GRID2: variants seen among roughly 807,000 people sequenced by gnomAD.
The protein encoded by GRID2 is glutamate ionotropic receptor delta type subunit 2, also known as glutamate receptor ionotropic, delta-2.
GRID2 carries 33 observed loss-of-function variants against 114.8 expected under a neutral mutation model. The ratio of observed to expected loss-of-function variants is 0.29; its 90% CI spans 0.22 to 0.38. The LOEUF (loss-of-function observed/expected upper bound fraction) is 0.38. GRID2 is among the 10% of genes least tolerant of loss of function. The probability of loss-of-function intolerance (pLI) is 1.00; values close to 1 mark genes in which losing one functional copy is unlikely to be tolerated. For synonymous variants in GRID2, 505 were observed against 449.9 expected (o/e 1.12, Z -1.55); for missense variants, 1,184 against 1,257.7 (o/e 0.94, Z 0.89).
intron 12 of GRID2, among the ~76,000 whole-genome samples, chr4:93,506,697 C>A (rs1480056593): frequency 1.3e-5 from 2 of 152,090 alleles, no homozygotes; most frequent in African/African-American, 4.8e-5. Flanking sequence ...ATCTCTAACC[C>A]TCTTTGTTCC....
At chr4:93,227,378 C>A (rs1160811529) in intron 7 of GRID2, among the ~76,000 whole-genome samples, 1 of 152,028 alleles carries the variant, frequency 6.6e-6, no homozygotes, top group Non-Finnish European at 1.5e-5. Flanking sequence ...CAGCCACATG[C>A]CACCACACCT....
At chr4:92,600,060 A>G (rs1378280865) in intron 2 of GRID2, among the ~76,000 whole-genome samples, 17 of 122,386 alleles carry the variant, frequency 1.4e-4, no homozygotes, top group East Asian at 5.1e-4. Flanking sequence ...ATATATATAT[A>G]TATATATATA....
At chr4:93,292,198 G>T (rs59523517) in intron 8 of GRID2, among the ~76,000 whole-genome samples, 1 of 152,110 alleles carries the variant, frequency 6.6e-6, no homozygotes. Context: ...GTAAAAATTT[G>T]TAGAGGAATA....
intron 2 of GRID2, among the ~76,000 whole-genome samples, chr4:92,828,244 G>C (rs1741868645): frequency 6.6e-6 from 1 of 151,980 alleles, no homozygotes; most frequent in Non-Finnish European, 1.5e-5. Flanking sequence ...CCAGTCACTG[G>C]CAACCAAAGT....
At chr4:93,351,764 T>G (rs1481772218) in intron 8 of GRID2, among the ~76,000 whole-genome samples, 1 of 152,090 alleles carries the variant, frequency 6.6e-6, no homozygotes, top group African/African-American at 2.4e-5. Context: ...TCAGAGAGTT[T>G]AAGTAATTTG....
At chr4:92,514,114 T>C (rs926678546) in intron 1 of GRID2, among the ~76,000 whole-genome samples, 2 of 151,892 alleles carry the variant, frequency 1.3e-5, no homozygotes, top group African/African-American at 4.8e-5. Flanking sequence ...GTTTCTTTAC[T>C]AAACTGCTTA....
At chr4:92,640,355 T>C (rs1731283975) in intron 2 of GRID2, among the ~76,000 whole-genome samples, 1 of 151,870 alleles carries the variant, frequency 6.6e-6, no homozygotes, top group Non-Finnish European at 1.5e-5. Context: ...AAGATTATTT[T>C]TGATTGAATC....
chr4:93,330,622 A>G (rs1758322147), intron 8 of GRID2, among the ~76,000 whole-genome samples: 1 of 152,086 alleles, frequency 6.6e-6, no homozygotes, highest in Non-Finnish European at 1.5e-5. Context: ...CCTCAGTTCT[A>G]CCCTACTCTT....
chr4:92,869,106 CTCTT>C (rs1439112832), intron 2 of GRID2, among the ~76,000 whole-genome samples: 3 of 152,110 alleles, frequency 2.0e-5, no homozygotes, highest in Admixed American at 1.3e-4. Flanking sequence ...GCCTCTTTCT[CTCTT>C]TCTTTTTGTA....
At chr4:92,893,250 G>A (rs1484394190) in intron 2 of GRID2, among the ~76,000 whole-genome samples, 1 of 152,152 alleles carries the variant, frequency 6.6e-6, no homozygotes, top group Non-Finnish European at 1.5e-5. Flanking sequence ...ACTAGCAGAA[G>A]TGAGTGCTCA....
At chr4:92,805,428 T>C (rs1017888932) in intron 2 of GRID2, among the ~76,000 whole-genome samples, 4 of 152,048 alleles carry the variant, frequency 2.6e-5, no homozygotes, top group African/African-American at 9.7e-5. Context: ...CATCCTTCTT[T>C]TGAGGACACA....
At chr4:93,274,432 T>C (rs1307069561) in intron 8 of GRID2, among the ~76,000 whole-genome samples, 2 of 152,158 alleles carry the variant, frequency 1.3e-5, no homozygotes, top group East Asian at 3.8e-4. Context: ...GCAATTTTAC[T>C]GTAACTTCTC....
chr4:92,750,260 A>G (rs1466169885), intron 2 of GRID2, among the ~76,000 whole-genome samples: 1 of 152,176 alleles, frequency 6.6e-6, no homozygotes, highest in Non-Finnish European at 1.5e-5. Flanking sequence ...TGAACCCAGT[A>G]TCTGTTACTA....
intron 1 of GRID2, among the ~76,000 whole-genome samples, chr4:92,495,190 C>A (rs2149117540): frequency 6.6e-6 from 1 of 152,086 alleles, no homozygotes; most frequent in Non-Finnish European, 1.5e-5. Context: ...TCTTCAGTTT[C>A]TTAACCATAA....
chr4:93,488,669 C>T (rs1242383587), intron 11 of GRID2, among the ~76,000 whole-genome samples: 2 of 151,872 alleles, frequency 1.3e-5, no homozygotes, highest in Non-Finnish European at 2.9e-5. Context: ...ATAACACAGA[C>T]TCGGTGGCTT....
At chr4:93,027,362 A>G (rs943884047) in intron 2 of GRID2, among the ~76,000 whole-genome samples, 7 of 152,066 alleles carry the variant, frequency 4.6e-5, no homozygotes, top group African/African-American at 1.4e-4. Flanking sequence ...TGAAGAGAAA[A>G]TTGAGGCGGG....
At chr4:93,133,168 T>A (rs1734958724) in intron 4 of GRID2, among the ~76,000 whole-genome samples, 1 of 152,208 alleles carries the variant, frequency 6.6e-6, no homozygotes, top group Admixed American at 6.5e-5. Flanking sequence ...TCGGTCTCTC[T>A]CTCTCTCAGA....
At chr4:93,112,018 A>AAATG (rs1171816119) in intron 4 of GRID2, 2 of 152,208 alleles carry the variant, frequency 1.3e-5, no homozygotes, top group African/African-American at 4.8e-5. Context: ...TGAGTTCAGC[A>AAATG]AATGACTTAG....
At chr4:92,722,012 C>T (rs192685101) in intron 2 of GRID2, among the ~76,000 whole-genome samples, 2 of 152,210 alleles carry the variant, frequency 1.3e-5, no homozygotes, top group Admixed American at 1.3e-4. Flanking sequence ...TTATTTAAAC[C>T]TGAGAGGACT....
Sources: gnomAD v4.1 joint callset for allele counts (sites outside exome capture counted in the v4.1 genomes callset) on GRCh38, gnomAD v4.1.1 for gene constraint, MANE v1.5 for transcripts, NCBI Gene and HGNC (gene_info 2026-07-23, HGNC 2026-07-21) for gene names.